FRYL: variants seen among roughly 807,000 people sequenced by gnomAD.
FRYL encodes the protein FRY like transcription coactivator, also known as protein furry homolog-like.
FRYL carries 150 observed loss-of-function variants against 351.2 expected under a neutral mutation model. That is an observed-to-expected ratio of 0.43 (90% confidence interval 0.37 to 0.49). The LOEUF (loss-of-function observed/expected upper bound fraction) is 0.49. Among genes scored for constraint, FRYL ranks in the 20% least tolerant of loss-of-function variants. The pLI, the probability that FRYL is intolerant of heterozygous loss-of-function variation, is 0.00. For synonymous variants in FRYL, 1,153 were observed against 1,257.1 expected (o/e 0.92, Z 1.75); for missense variants, 3,036 against 3,619.3 (o/e 0.84, Z 4.13).
intron 55 of FRYL, among the ~76,000 whole-genome samples, chr4:48,516,980 A>G (rs1479174097): frequency 6.6e-6 from 1 of 152,192 alleles, no homozygotes; most frequent in Non-Finnish European, 1.5e-5. Flanking sequence ...AGGCACAGAA[A>G]TAACGCCATG....
chr4:48,768,504 G>C (rs1414171346), intron 1 of FRYL, among the ~76,000 whole-genome samples: 1 of 152,114 alleles, frequency 6.6e-6, no homozygotes, highest in Non-Finnish European at 1.5e-5. Context: ...CCATAGACTT[G>C]ACACAAAAAG....
rs762558194 is a variant in FRYL at position 48,501,616 on chromosome 4, T to C, written c.8592+7A>G. 4 of 1,482,518 alleles carry C rather than the reference T, an allele frequency of 2.7e-6. No individual in the cohort carries two copies. Among genetic ancestry groups the C allele is most frequent in the South Asian group, 1.1e-5 (1 of 87,212 alleles). The allele number at this position is 1,482,518 out of a possible 1,614,324, so 91.8% of individuals were successfully genotyped here. ...GTTACTGATGCCTAATACAACTGAA[T>C]ATTTACCTCTGCTTCATTTTTTATC... On this transcript the variant is annotated splice_region_variant and intron_variant, in intron 62 of 63. Transcript: ENST00000358350.
intron 2 of FRYL, among the ~76,000 whole-genome samples, chr4:48,698,212 A>C (rs1766387226): frequency 6.6e-6 from 1 of 152,220 alleles, no homozygotes; most frequent in Non-Finnish European, 1.5e-5. Context: ...AACAGGAAAG[A>C]CTTCACTGAA....
chr4:48,757,449 GACAA>G (rs1258741607), intron 1 of FRYL, among the ~76,000 whole-genome samples: 3 of 152,158 alleles, frequency 2.0e-5, no homozygotes, highest in African/African-American at 2.4e-5. Context: ...ACCAATAACA[GACAA>G]ACAGAGAACC....
chr4:48,657,350 TTTC>T (rs1169991969), intron 3 of FRYL, among the ~76,000 whole-genome samples: 18 of 127,136 alleles, frequency 1.4e-4, no homozygotes, highest in Admixed American at 3.8e-4. Context: ...TTTCTTTTCT[TTTC>T]TTTTTTTTTT....
chr4:48,605,993 CA>C (rs1163448331), intron 10 of FRYL, 160 bp from the exon 11 acceptor site: 5 of 513,126 alleles, frequency 9.7e-6, no homozygotes, highest in Non-Finnish European at 1.7e-5. Flanking sequence ...CGGTGGCTCA[CA>C]CCTGTAATCC....
At chr4:48,547,458 A>C (rs1731608371) in intron 41 of FRYL, 126 bp downstream of exon 41, 1 of 490,584 alleles carries the variant, frequency 2.0e-6, no homozygotes, top group South Asian at 6.2e-5. Context: ...TACTTAAAAT[A>C]ATACAACTAC....
intron 1 of FRYL, among the ~76,000 whole-genome samples, chr4:48,761,387 A>G (rs907874456): frequency 2.0e-5 from 3 of 152,216 alleles, no homozygotes; most frequent in Non-Finnish European, 1.5e-5. Context: ...AAAACTTCCT[A>G]TAGCCTAGTG....
chr4:48,715,256 T>C (rs1160474245), intron 1 of FRYL, among the ~76,000 whole-genome samples: 1 of 151,660 alleles, frequency 6.6e-6, no homozygotes, highest in East Asian at 1.9e-4. Context: ...CAACATAGTG[T>C]TGGAAGTTCT....
chr4:48,593,455 C>T (rs1281997281), intron 16 of FRYL, among the ~76,000 whole-genome samples: 2 of 152,102 alleles, frequency 1.3e-5, no homozygotes, highest in East Asian at 1.9e-4. Flanking sequence ...AGCGATTCTC[C>T]TGCCTCAGCC....
rs149936089 is a variant in FRYL, at chr4:48,504,402, T to C, written c.8463+1145A>G. Among the ~76,000 whole-genome samples, 65 of 152,174 alleles carry C rather than the reference T, an allele frequency of 4.3e-4. 1 individual carries two copies. The highest frequency in any genetic ancestry group is 1.4e-3 in the African/African-American group (60 of 41,534). On this transcript the variant is annotated intron_variant, in intron 60 of 63. Transcript: ENST00000358350. The stretch of plus-strand genomic sequence containing the variant: ...AAGATGGATATAATTTTCTTCAAGG[T>C]AGAGGGGATATAAAAAAATCACTTA...
At chr4:48,667,003 T>C (rs1380866687) in intron 3 of FRYL, among the ~76,000 whole-genome samples, 1 of 152,358 alleles carries the variant, frequency 6.6e-6, no homozygotes, top group African/African-American at 2.4e-5. Flanking sequence ...AGTGATGGCA[T>C]GTTTGCTTTG....
chr4:48,742,706 A>G (rs1374687675), intron 1 of FRYL, among the ~76,000 whole-genome samples: 2 of 151,890 alleles, frequency 1.3e-5, no homozygotes, highest in Non-Finnish European at 2.9e-5. Context: ...CCCCCAAAAA[A>G]CTCCAATCAT....
At chr4:48,546,303 A>T (rs747619923) in intron 41 of FRYL, 32 bp from the exon 42 acceptor site, 2 of 1,498,110 alleles carry the variant, frequency 1.3e-6, no homozygotes, top group South Asian at 2.3e-5. Context: ...GAATACCTAA[A>T]ACATGAAAGA....
intron 36 of FRYL, 102 bp from the exon 37 acceptor site, chr4:48,551,680 G>T: frequency 1.4e-6 from 1 of 709,964 alleles, no homozygotes. Context: ...TAACTAAAAT[G>T]AGAGCAAAGT....
intron 19 of FRYL, among the ~76,000 whole-genome samples, chr4:48,583,700 C>T (rs1161394384): frequency 2.0e-5 from 3 of 151,654 alleles, no homozygotes; most frequent in Non-Finnish European, 2.9e-5. Context: ...GTCGGGAGTT[C>T]GAGACCAGCC....
chr4:48,656,383 TAA>T (rs374670801), intron 3 of FRYL, among the ~76,000 whole-genome samples: 1,043 of 125,830 alleles, frequency 8.3e-3, no homozygotes, highest in East Asian at 0.018. Flanking sequence ...ACTAAATATA[TAA>T]TATATAATTA....
chr4:48,767,043 TAATA>T (rs1775030251), intron 1 of FRYL, among the ~76,000 whole-genome samples: 1 of 148,818 alleles, frequency 6.7e-6, no homozygotes, highest in Admixed American at 6.7e-5. Context: ...TTGTATTATA[TAATA>T]AATATATATC....
intron 3 of FRYL, chr4:48,653,825 C>T: frequency 7.8e-7 from 1 of 1,285,972 alleles, no homozygotes; most frequent in Non-Finnish European, 1.0e-6. Context: ...GCAGCAGCAG[C>T]AGCAGCAGAA....
Sources: gnomAD v4.1 joint callset for allele counts (sites outside exome capture counted in the v4.1 genomes callset) on GRCh38, gnomAD v4.1.1 for gene constraint, MANE v1.5 for transcripts, NCBI Gene and HGNC (gene_info 2026-07-23, HGNC 2026-07-21) for gene names.